POSTN: variants seen among roughly 807,000 people sequenced by gnomAD.
POSTN encodes periostin.
Under a neutral mutation model 104.5 loss-of-function variants are expected in POSTN, and 71 were observed. The ratio of observed to expected loss-of-function variants is 0.68; its 90% confidence interval spans 0.56 to 0.83. The LOEUF (loss-of-function observed/expected upper bound fraction) is 0.83. Ranked by LOEUF, POSTN falls within the 40% of genes least tolerant of loss-of-function variation. The pLI, the probability that POSTN is intolerant of heterozygous loss-of-function variation, is 0.00. For missense variants in POSTN, 949 were observed against 1,006.8 expected (o/e 0.94, Z 0.78); for synonymous variants, 355 against 340.7 (o/e 1.04, Z -0.46).
rs200478649 is a variant in POSTN at position 37,586,315 on chromosome 13, A to T, written c.754-35T>A. 1,129 of 1,586,698 alleles carry T rather than the reference A, an allele frequency of 7.1e-4. 9 individuals carry two copies. The highest frequency in any genetic ancestry group is 8.3e-5 in the Non-Finnish European group (97 of 1,165,188). ...AAATGTGCTTTTCAGAGACTTTCACATTGTAAATCCAGAAAAAGATTGCAA... is the reference window on the plus strand; with the variant it reads ...AAATGTGCTTTTCAGAGACTTTCACTTTGTAAATCCAGAAAAAGATTGCAA... On this transcript the variant is annotated intron_variant, in intron 6 of 22. Coordinates refer to ENST00000379747, the MANE Select transcript of POSTN (RefSeq NM_006475.3).
At position 37,586,897 on chromosome 13, in the gene POSTN, T is replaced by C. The variant is rs953629256; in HGVS notation, c.638A>G (p.His213Arg). 3.1e-6 allele frequency: 5 copies of C among 1,613,592 alleles called. No individual in the cohort carries two copies. The highest frequency in any genetic ancestry group is 4.2e-6 in the Non-Finnish European group (5 of 1,179,684). Residue 213 changes from histidine (H) to arginine (R), a missense_variant, in exon 6 of 23, where the codon CAT (histidine) becomes CGT (arginine). Coordinates refer to ENST00000379747, the MANE Select transcript of POSTN (RefSeq NM_006475.3). ...ACCATTTGTTGCAATCTGGTTCCCA[T>C]GGATGATTCGAGCACAATTAACAGT... ...VVTVNCARII[H>R]GNQIATNGVV...
intron 21 of POSTN, among the ~76,000 whole-genome samples, chr13:37,566,493 C>T (rs1950105176): frequency 6.6e-6 from 1 of 152,062 alleles, no homozygotes; most frequent in Non-Finnish European, 1.5e-5. Flanking sequence ...AAGAGCTTGT[C>T]ATATATTAAC....
At chr13:37,584,676 A>G (rs772343843) in intron 8 of POSTN, 40 bp downstream of exon 8, 2 of 1,498,792 alleles carry the variant, frequency 1.3e-6, no homozygotes, top group South Asian at 2.3e-5. Context: ...AAATTACAGT[A>G]AGTAAAAAAA....
intron 16 of POSTN, 84 bp downstream of exon 16, chr13:37,577,666 CAAT>C (rs1263813215): frequency 6.6e-7 from 1 of 1,505,456 alleles, no homozygotes; most frequent in Non-Finnish European, 8.9e-7. Context: ...ACCAGATTAT[CAAT>C]AATCTCTGTA....
At position 37,588,026 on chromosome 13, in the gene POSTN, G is replaced by A. The variant is rs754955282; in HGVS notation, c.442-40C>T. The A allele has an allele frequency of 1.0e-4, 149 of 1,480,316 alleles. 1 individual carries two copies. Among genetic ancestry groups the A allele is most frequent in the Non-Finnish European group, 1.2e-4 (127 of 1,070,716 alleles). 91.7% of individuals were successfully genotyped at this position (1,480,316 alleles called of 1,614,324 possible). A position where few individuals can be genotyped will look rare whatever the true frequency, so the allele number is the denominator to read the frequency against. On this transcript the variant is annotated intron_variant, in intron 4 of 22. Coordinates refer to ENST00000379747, the MANE Select transcript of POSTN (RefSeq NM_006475.3). ...AATGATAGAAATTCAATTTATTGTGGAACATTAGTAAAAGTCTTACGATCA... is the reference window on the plus strand; with the variant it reads ...AATGATAGAAATTCAATTTATTGTGAAACATTAGTAAAAGTCTTACGATCA...
intron 1 of POSTN, among the ~76,000 whole-genome samples, chr13:37,597,594 A>T (rs921348676): frequency 2.6e-5 from 4 of 152,146 alleles, no homozygotes; most frequent in African/African-American, 7.2e-5. Flanking sequence ...GTGCCTTATT[A>T]CTTTTAATGG....
At chr13:37,587,056 G>C (rs1332380671) in intron 5 of POSTN, 128 bp from the exon 6 acceptor site, 1 of 752,604 alleles carries the variant, frequency 1.3e-6, no homozygotes, top group East Asian at 2.9e-5. Context: ...CATTGTAAAT[G>C]TAAACGCTGT....
intron 2 of POSTN, among the ~76,000 whole-genome samples, chr13:37,592,457 C>T (rs188146813): frequency 2.4e-3 from 372 of 152,216 alleles, no homozygotes; most frequent in Non-Finnish European, 3.8e-3. Context: ...TACCACCACG[C>T]CTGGCTAATT....
At chr13:37,569,044 G>GA (rs1486175121) in intron 21 of POSTN, 1 of 267,100 alleles carries the variant, frequency 3.7e-6, no homozygotes, top group Non-Finnish European at 7.0e-6. Flanking sequence ...AAAATTATCT[G>GA]AATCAAAGCA....
chr13:37,570,888 G>T (rs1007699000), intron 18 of POSTN: 3 of 459,804 alleles, frequency 6.5e-6, no homozygotes, highest in Admixed American at 3.6e-5. Flanking sequence ...AGGGCCATTT[G>T]ACATCCTAAC....
intron 20 of POSTN, 27 bp downstream of exon 20, chr13:37,569,717 C>T: frequency 1.3e-6 from 2 of 1,491,600 alleles, no homozygotes; most frequent in South Asian, 1.1e-5. Context: ...GGTAAAGTCA[C>T]ATTCTTATTT....
At chr13:37,564,476 A>C in intron 22 of POSTN, 43 bp downstream of exon 22, 1 of 1,120,120 alleles carries the variant, frequency 8.9e-7, no homozygotes, top group Non-Finnish European at 1.3e-6. Flanking sequence ...TTCATGTAAC[A>C]AAAGAGGCCA....
intron 20 of POSTN, 85 bp from the exon 21 acceptor site, chr13:37,569,468 G>T: frequency 9.3e-7 from 1 of 1,072,220 alleles, no homozygotes; most frequent in Non-Finnish European, 1.4e-6. Context: ...AATGGCATCT[G>T]CCCAATAATG....
At chr13:37,585,090 T>C (rs1439921473) in intron 7 of POSTN, among the ~76,000 whole-genome samples, 162 bp from the exon 8 acceptor site, 2 of 152,244 alleles carry the variant, frequency 1.3e-5, no homozygotes, top group Non-Finnish European at 2.9e-5. Flanking sequence ...AAAAGTTTTT[T>C]CCTATCAACT....
intron 2 of POSTN, among the ~76,000 whole-genome samples, chr13:37,596,055 GC>G (rs1397484611): frequency 6.6e-6 from 1 of 151,846 alleles, no homozygotes; most frequent in Non-Finnish European, 1.5e-5. Context: ...ACCTGTCTCA[GC>G]CCCCCCAAAG....
In POSTN at chr13:37,579,938, G is replaced by A. The variant is rs1250667603; in HGVS notation, c.1583C>T (p.Pro528Leu). The A allele has an allele frequency of 3.1e-6, 5 of 1,613,436 alleles. No homozygotes were observed. Among genetic ancestry groups the A allele is most frequent in the Non-Finnish European group, 4.2e-6 (5 of 1,179,520 alleles). ...TGGCACAAATAATGTCCAGTCTCCAGGTTGTGTCAGGAGCTCTTTCAAGTC... is the reference window on the plus strand; with the variant it reads ...TGGCACAAATAATGTCCAGTCTCCAAGTTGTGTCAGGAGCTCTTTCAAGTC... Reference protein sequence around the residue: ...AADLKELLTQPGDWTLFVPTN... With the variant: ...AADLKELLTQLGDWTLFVPTN... The change falls in exon 12 of 23, where the codon CCT (proline) becomes CTT (leucine). Residue 528 changes from proline to leucine, a missense_variant. Transcript: ENST00000379747.
In POSTN at chr13:37,582,471, C is replaced by A. The variant is rs747804610; in HGVS notation, c.1287G>T (p.Leu429=). Residue 429 remains leucine (L), a synonymous_variant, in exon 10 of 23, where the codon CTG becomes CTT. Transcript: ENST00000379747. ...SMDQRLLKLI[L]QNHILKVKVG... is the part of the protein sequence containing the mutation. ...CTTTTACTTTCAATATGTGATTCTG[C>A]AGAATTAATTTAAGGAGGCGCTGAT... is the stretch of plus-strand genomic sequence containing the variant. 1.2e-6 allele frequency: 2 copies of A among 1,613,106 alleles called. No individual in the cohort carries two copies. Among genetic ancestry groups the A allele is most frequent in the Non-Finnish European group, 1.7e-6 (2 of 1,179,548 alleles).
chr13:37,583,146 G>T (rs913383987), intron 9 of POSTN, among the ~76,000 whole-genome samples: 1 of 152,218 alleles, frequency 6.6e-6, no homozygotes, highest in Non-Finnish European at 1.5e-5. Context: ...AAGGTCGAAG[G>T]TTGCATGAAT....
Position 37,580,616 on chromosome 13 carries a change from T to C in POSTN, c.1474A>G (p.Ile492Val), listed in dbSNP as rs1480347186. The C allele has an allele frequency of 5.0e-6, 8 of 1,614,178 alleles. 1 individual carries two copies. In the Middle Eastern group the frequency reaches 8.2e-4, roughly 166 times the overall value. Residue 492 changes from isoleucine (I) to valine (V), a missense_variant, in exon 11 of 23, where the codon ATC becomes GTC. Physicochemically the swap from Ile to Val is conservative, Grantham distance 29. Transcript: ENST00000379747. The stretch of plus-strand genomic sequence containing the variant: ...TGGAGGGATTTCTCTGCTGGCTTGA[T>C]GATCTCGCGGAATATGTGAATCGCA... ...NGAIHIFREI[I>V]KPAEKSLHEK...
Sources: allele counts gnomAD v4.1 joint callset (sites outside exome capture counted in the v4.1 genomes callset), GRCh38; gene constraint gnomAD v4.1.1; transcripts MANE v1.5; gene names NCBI Gene and HGNC (gene_info 2026-07-23, HGNC 2026-07-21).